The following RFX3 variants were observed in gnomAD, a reference collection of about 807,000 sequenced individuals.
RFX3 encodes regulatory factor X3.
A neutral mutation model predicts 98.6 loss-of-function variants in RFX3; 14 were observed. The observed-to-expected ratio is 0.14, with a 90% CI of 0.09 to 0.22. The LOEUF is 0.22. RFX3 is among the 10% of genes least tolerant of loss of function. The pLI is 1.00. For synonymous variants in RFX3, 383 were observed against 328.4 expected (o/e 1.17, Z -1.80); for missense variants, 639 against 926.9 (o/e 0.69, Z 4.03).
intron 1 of RFX3, among the ~76,000 whole-genome samples, chr9:3,461,300 T>A (rs1847665717): frequency 6.6e-6 from 1 of 151,908 alleles, no homozygotes; most frequent in African/African-American, 2.4e-5. Flanking sequence ...AACTTCCCAA[T>A]CATCCAAAAC....
chr9:3,384,950 A>G (rs1196325618), intron 2 of RFX3, among the ~76,000 whole-genome samples: 1 of 152,164 alleles, frequency 6.6e-6, no homozygotes, highest in African/African-American at 2.4e-5. Context: ...TCTTAGCTTA[A>G]AAGTCAGTCC....
chr9:3,342,727 A>C (rs1171656312), intron 3 of RFX3, among the ~76,000 whole-genome samples: 1 of 152,126 alleles, frequency 6.6e-6, no homozygotes, highest in Admixed American at 6.5e-5. Context: ...CTCTCTCTAC[A>C]TGGTATGCAA....
intron 1 of RFX3, among the ~76,000 whole-genome samples, chr9:3,498,810 G>C (rs1564176909): frequency 6.6e-6 from 1 of 151,936 alleles, no homozygotes; most frequent in Non-Finnish European, 1.5e-5. Flanking sequence ...ATTACATCCG[G>C]CCTGGTCACT....
At chr9:3,233,032 G>T (rs1318326862) in intron 15 of RFX3, among the ~76,000 whole-genome samples, 2 of 152,212 alleles carry the variant, frequency 1.3e-5, no homozygotes, top group Admixed American at 1.3e-4. Context: ...AGTAGAGAAA[G>T]CATGTCTATT....
chr9:3,348,835 A>G (rs140749630), intron 2 of RFX3, among the ~76,000 whole-genome samples: 23 of 152,184 alleles, frequency 1.5e-4, no homozygotes, highest in African/African-American at 4.3e-4. Flanking sequence ...ACTAGTTCCT[A>G]TGACATAACC....
chr9:3,454,864 G>A (rs1847004246), intron 1 of RFX3, among the ~76,000 whole-genome samples: 2 of 152,170 alleles, frequency 1.3e-5, no homozygotes, highest in Admixed American at 1.3e-4. Context: ...CAGGGACACA[G>A]AAATAACGTG....
At chr9:3,269,868 C>G (rs375881451) in intron 11 of RFX3, among the ~76,000 whole-genome samples, 28 of 152,202 alleles carry the variant, frequency 1.8e-4, no homozygotes, top group African/African-American at 6.5e-4. Context: ...GATAGATTCA[C>G]TTCAAGTCAA....
chr9:3,324,062 G>A (rs182500593), intron 4 of RFX3: 11 of 447,058 alleles, frequency 2.5e-5, no homozygotes, highest in African/African-American at 2.2e-4. Flanking sequence ...ATGGTAATCT[G>A]TCTGAGGAGT....
intron 1 of RFX3, among the ~76,000 whole-genome samples, chr9:3,502,997 G>A (rs1293676891): frequency 1.3e-5 from 2 of 152,054 alleles, no homozygotes; most frequent in African/African-American, 2.4e-5. Flanking sequence ...AAAGAGTTAC[G>A]AGGAAAAACA....
chr9:3,273,833 C>T (rs960862525), intron 9 of RFX3, among the ~76,000 whole-genome samples: 1 of 149,312 alleles, frequency 6.7e-6, no homozygotes, highest in Non-Finnish European at 1.5e-5. Context: ...CTACTGCACT[C>T]CAGCCTGGGT....
chr9:3,409,999 T>A (rs1842315134), intron 1 of RFX3, among the ~76,000 whole-genome samples: 1 of 152,140 alleles, frequency 6.6e-6, no homozygotes, highest in Non-Finnish European at 1.5e-5. Context: ...TAGCAAGGCC[T>A]GACAGACGCG....
intron 16 of RFX3, among the ~76,000 whole-genome samples, chr9:3,226,427 G>C (rs1013053220): frequency 5.9e-5 from 9 of 152,176 alleles, no homozygotes; most frequent in African/African-American, 2.2e-4. Flanking sequence ...AGGTAAAAGG[G>C]CTTCCATATA....
rs920066114 is a variant in RFX3 at position 3,446,601 on chromosome 9, C to CA, written c.-8-51006dup. Among the ~76,000 whole-genome samples the CA allele has an allele frequency of 1.0e-2, 1,441 of 144,126 alleles. 20 individuals are homozygous for CA. The highest frequency in any genetic ancestry group is 0.021 in the Middle Eastern group (6 of 282). 94.6% of individuals were successfully genotyped at this position (144,126 alleles called of 152,430 possible). Reference sequence around the variant, plus strand: ...ACTCCTTCTGCAGATAATGAGACTTCAAAAAAAAAAACATACATACAACTC... The same window carrying CA: ...ACTCCTTCTGCAGATAATGAGACTTCAAAAAAAAAAAACATACATACAACTC... On this transcript the variant is annotated intron_variant, in intron 1 of 16. Transcript: ENST00000617270.
At chr9:3,499,623 G>A (rs181375967) in intron 1 of RFX3, among the ~76,000 whole-genome samples, 335 of 152,164 alleles carry the variant, frequency 2.2e-3, no homozygotes, top group African/African-American at 7.8e-3. Flanking sequence ...ATTTTGAAAA[G>A]TGGGTAGACA....
chr9:3,505,786 C>T (rs1005595288), intron 1 of RFX3, among the ~76,000 whole-genome samples: 1 of 148,606 alleles, frequency 6.7e-6, no homozygotes, highest in African/African-American at 2.5e-5. Context: ...CACTCTCTAC[C>T]CCCCTGCTTC....
intron 11 of RFX3, among the ~76,000 whole-genome samples, chr9:3,270,130 A>AGAAAGAAAGAAAGAAAGAAAGGAAG (rs1563833724): frequency 9.3e-6 from 1 of 107,176 alleles, no homozygotes; most frequent in Non-Finnish European, 2.2e-5. Flanking sequence ...AAGAAAGGAA[A>AGAAAGAAAGAAAGAAAGAAAGGAAG]GAAAGAAAGA....
At chr9:3,296,208 G>T (rs1182327965) in intron 5 of RFX3, among the ~76,000 whole-genome samples, 1 of 151,568 alleles carries the variant, frequency 6.6e-6, no homozygotes, top group East Asian at 1.9e-4. Context: ...GAGTCCAATG[G>T]TATATTTACA....
intron 1 of RFX3, 58 bp from the exon 2 acceptor site, chr9:3,395,654 C>T (rs1840782495): frequency 1.9e-6 from 3 of 1,576,736 alleles, no homozygotes; most frequent in Non-Finnish European, 8.7e-7. Flanking sequence ...TGACTAGCTT[C>T]CTTACAATTG....
At chr9:3,407,112 T>G (rs530372701) in intron 1 of RFX3, among the ~76,000 whole-genome samples, 1 of 152,212 alleles carries the variant, frequency 6.6e-6, no homozygotes, top group Non-Finnish European at 1.5e-5. Flanking sequence ...TTAATTTTCA[T>G]AGCTGAAATG....
Sources: allele counts gnomAD v4.1 joint callset (sites outside exome capture counted in the v4.1 genomes callset), GRCh38; gene constraint gnomAD v4.1.1; transcripts MANE v1.5; gene names NCBI Gene and HGNC (gene_info 2026-07-23, HGNC 2026-07-21).